Variants in WWC2 observed in about 807,000 individuals in gnomAD.
The protein encoded by WWC2 is WW and C2 domain containing 2.
In WWC2, 101 loss-of-function variants were observed where a neutral mutation model predicts 138.5. The observed-to-expected ratio is 0.73, with a 90% CI of 0.62 to 0.86. The LOEUF (loss-of-function observed/expected upper bound fraction) is 0.86. WWC2 is among the 40% of genes least tolerant of loss of function. The pLI, the probability that WWC2 is intolerant of heterozygous loss-of-function variation, is 0.00. For synonymous variants in WWC2, 558 were observed against 538.4 expected, an observed-to-expected ratio of 1.04 and a Z score of -0.50; for missense variants, 1,420 against 1,419.4, an observed-to-expected ratio of 1.00 and a Z score of -0.01.
intron 4 of WWC2, among the ~76,000 whole-genome samples, chr4:183,217,587 TAAAA>T (rs138720671): frequency 7.9e-5 from 12 of 151,124 alleles, no homozygotes; most frequent in Non-Finnish European, 1.3e-4. Flanking sequence ...AAAAATATAT[TAAAA>T]AAAACAAAAT....
intron 1 of WWC2, among the ~76,000 whole-genome samples, chr4:183,148,404 G>T (rs1330688256): frequency 2.0e-5 from 3 of 152,026 alleles, no homozygotes; most frequent in Non-Finnish European, 4.4e-5. Context: ...TTATTCTACT[G>T]CTTGTATGTC....
At chr4:183,190,276 T>C (rs981559251) in intron 1 of WWC2, among the ~76,000 whole-genome samples, 3 of 152,214 alleles carry the variant, frequency 2.0e-5, no homozygotes, top group African/African-American at 7.2e-5. Flanking sequence ...AGAAATTCCT[T>C]GTGCACAACA....
chr4:183,227,612 C>CA (rs1260877293), intron 4 of WWC2, among the ~76,000 whole-genome samples: 1 of 151,844 alleles, frequency 6.6e-6, no homozygotes, highest in African/African-American at 2.4e-5. Context: ...AATACGGAAA[C>CA]AAACTAAGTA....
In WWC2 at chr4:183,319,066, AAGG is replaced by A. The variant is rs887817513; in HGVS notation, c.*3340_*3342del. 6.5e-6 allele frequency: 1 copy of A among 153,784 alleles called. No homozygotes were observed. Among genetic ancestry groups the A allele is most frequent in the Admixed American group, 6.4e-5 (1 of 15,564 alleles). 9.5% of individuals were successfully genotyped at this position (153,784 alleles called of 1,614,324 possible). Reference sequence around the variant, plus strand: ...AGAGACACTGAGGTCTCTGATTCAGAAGGAGATGATGTGTCTACACCTTTCACC... The same window carrying A: ...AGAGACACTGAGGTCTCTGATTCAGAAGATGATGTGTCTACACCTTTCACC... On this transcript the variant is annotated 3_prime_UTR_variant, in exon 23 of 23. Coordinates refer to ENST00000403733, the MANE Select transcript of WWC2 (RefSeq NM_024949.6).
chr4:183,108,904 C>T (rs540197168), intron 1 of WWC2, among the ~76,000 whole-genome samples: 6 of 152,282 alleles, frequency 3.9e-5, no homozygotes, highest in South Asian at 4.2e-4. Context: ...ACACCACACC[C>T]GGCCCGATTG....
chr4:183,300,067 T>C (rs1738777732), intron 21 of WWC2, among the ~76,000 whole-genome samples: 1 of 152,208 alleles, frequency 6.6e-6, no homozygotes, highest in Non-Finnish European at 1.5e-5. Flanking sequence ...AGCAAGAAGC[T>C]GAGGACTGTA....
intron 20 of WWC2, among the ~76,000 whole-genome samples, chr4:183,288,242 T>C (rs1738320155): frequency 6.6e-6 from 1 of 152,140 alleles, no homozygotes; most frequent in Non-Finnish European, 1.5e-5. Context: ...GGGCTAAGGC[T>C]CTGAAATCAG....
chr4:183,228,866 A>G (rs1206012293), intron 4 of WWC2, among the ~76,000 whole-genome samples: 1 of 152,050 alleles, frequency 6.6e-6, no homozygotes, highest in East Asian at 1.9e-4. Flanking sequence ...TGCATTGTGT[A>G]TGGTCATGCA....
chr4:183,167,022 A>G (rs897125421), intron 1 of WWC2, among the ~76,000 whole-genome samples: 4 of 152,174 alleles, frequency 2.6e-5, no homozygotes, highest in South Asian at 2.1e-4. Flanking sequence ...CCCAGCCTGT[A>G]TGACGTCATA....
intron 1 of WWC2, among the ~76,000 whole-genome samples, chr4:183,127,196 A>T (rs976374316): frequency 2.0e-5 from 3 of 152,204 alleles, no homozygotes; most frequent in Non-Finnish European, 4.4e-5. Context: ...TTAAACGTAT[A>T]AAATTATTCC....
At chr4:183,109,471 A>T (rs1348479031) in intron 1 of WWC2, among the ~76,000 whole-genome samples, 1 of 152,128 alleles carries the variant, frequency 6.6e-6, no homozygotes, top group Non-Finnish European at 1.5e-5. Context: ...ACAGAATGGG[A>T]TTGGAGGAGT....
At chr4:183,120,744 G>T (rs1041165066) in intron 1 of WWC2, among the ~76,000 whole-genome samples, 2 of 152,058 alleles carry the variant, frequency 1.3e-5, no homozygotes, top group African/African-American at 4.8e-5. Flanking sequence ...GTATAAGTTG[G>T]ATGTGAACAA....
At chr4:183,289,709 A>T in intron 21 of WWC2, 74 bp downstream of exon 21, 9 of 1,552,590 alleles carry the variant, frequency 5.8e-6, no homozygotes, top group Non-Finnish European at 7.8e-6. Context: ...GAAGGTACCC[A>T]ACTTACACTT....
intron 1 of WWC2, among the ~76,000 whole-genome samples, chr4:183,104,274 T>C (rs974274944): frequency 6.6e-6 from 1 of 152,214 alleles, no homozygotes; most frequent in Non-Finnish European, 1.5e-5. Flanking sequence ...TTATACATGG[T>C]ATGTTAAATA....
intron 20 of WWC2, 82 bp from the exon 21 acceptor site, chr4:183,289,301 GCACCATCCAT>G (rs1403372204): frequency 2.7e-6 from 4 of 1,505,646 alleles, no homozygotes; most frequent in Non-Finnish European, 3.6e-6. Context: ...GTGCAAGGAA[GCACCATCCAT>G]CATGCGCCAG....
intron 1 of WWC2, among the ~76,000 whole-genome samples, chr4:183,118,474 C>T (rs891109801): frequency 6.6e-6 from 1 of 151,992 alleles, no homozygotes; most frequent in African/African-American, 2.4e-5. Context: ...CTACATTTGA[C>T]TTGGTTTGAG....
intron 1 of WWC2, among the ~76,000 whole-genome samples, chr4:183,135,666 A>C (rs1443143264): frequency 6.6e-6 from 1 of 152,092 alleles, no homozygotes; most frequent in Admixed American, 6.5e-5. Context: ...CTTGTTCTTC[A>C]TACCTTCTTG....
intron 1 of WWC2, among the ~76,000 whole-genome samples, chr4:183,159,453 G>A (rs549968272): frequency 4.6e-5 from 7 of 152,188 alleles, no homozygotes; most frequent in Admixed American, 6.5e-5. Flanking sequence ...CATCCAGGCC[G>A]GAGTACAGTG....
At chr4:183,260,829 G>T in intron 10 of WWC2, 81 bp from the exon 11 acceptor site, 1 of 1,519,184 alleles carries the variant, frequency 6.6e-7, no homozygotes, top group South Asian at 1.3e-5. Flanking sequence ...TCCCTCTGCA[G>T]ATCTGAAGGA....
Sources: gnomAD v4.1 joint callset for allele counts (sites outside exome capture counted in the v4.1 genomes callset) on GRCh38, gnomAD v4.1.1 for gene constraint, MANE v1.5 for transcripts, NCBI Gene and HGNC (gene_info 2026-07-23, HGNC 2026-07-21) for gene names.